The following CUBN variants were observed in gnomAD, a reference collection of about 807,000 sequenced individuals.
The protein encoded by CUBN is cubilin.
A neutral mutation model predicts 405.3 loss-of-function variants in CUBN; 282 were observed. The observed-to-expected ratio is 0.70, with a 90% confidence interval of 0.63 to 0.77. The LOEUF is 0.77. CUBN is among the 30% of genes least tolerant of loss of function. The pLI is 0.00. For missense variants in CUBN, 4,514 were observed against 4,475.2 expected (o/e 1.01, Z -0.25); for synonymous variants, 1,684 against 1,617.0 (o/e 1.04, Z -0.99).
At chr10:16,852,763 C>T (rs1839756397) in intron 59 of CUBN, among the ~76,000 whole-genome samples, 1 of 152,134 alleles carries the variant, frequency 6.6e-6, no homozygotes, top group South Asian at 2.1e-4. Context: ...CTTTTATGTT[C>T]CGCTTTCATG....
intron 43 of CUBN, among the ~76,000 whole-genome samples, chr10:16,921,531 G>T (rs1842033724): frequency 2.0e-5 from 3 of 152,150 alleles, no homozygotes; most frequent in Admixed American, 6.6e-5. Flanking sequence ...TATGCCCAAA[G>T]AACTTTTTAA....
At chr10:17,024,949 A>C (rs896002508) in intron 27 of CUBN, among the ~76,000 whole-genome samples, 2 of 152,154 alleles carry the variant, frequency 1.3e-5, no homozygotes, top group Non-Finnish European at 2.9e-5. Context: ...TTTTTATAGG[A>C]GATCAATTTT....
intron 28 of CUBN, 46 bp from the exon 29 acceptor site, chr10:16,990,561 C>T (rs528751354): frequency 2.1e-5 from 33 of 1,559,908 alleles, no homozygotes; most frequent in Middle Eastern, 2.1e-4. Flanking sequence ...GGCAACAGCA[C>T]ATGGAAAATA....
intron 17 of CUBN, 39 bp from the exon 18 acceptor site, chr10:17,072,010 A>C: frequency 1.3e-6 from 2 of 1,559,338 alleles, no homozygotes; most frequent in Non-Finnish European, 1.8e-6. Context: ...ATTCAAATAA[A>C]GAAACTTACG....
intron 28 of CUBN, among the ~76,000 whole-genome samples, chr10:16,991,673 C>A (rs544943795): frequency 6.5e-5 from 8 of 122,336 alleles, no homozygotes; most frequent in Admixed American, 1.8e-4. Flanking sequence ...TTGGTAAATT[C>A]TTCCAATTAC....
intron 59 of CUBN, among the ~76,000 whole-genome samples, chr10:16,866,334 G>A (rs1588601861): frequency 6.6e-6 from 1 of 152,308 alleles, no homozygotes; most frequent in East Asian, 1.9e-4. Flanking sequence ...ACCCCCTCAG[G>A]AAGAACTGGA....
intron 27 of CUBN, among the ~76,000 whole-genome samples, chr10:17,025,533 G>T (rs540497511): frequency 6.6e-6 from 1 of 152,160 alleles, no homozygotes; most frequent in East Asian, 1.9e-4. Flanking sequence ...CCACGTAAAA[G>T]GTTTGCTATG....
intron 54 of CUBN, among the ~76,000 whole-genome samples, chr10:16,894,846 T>C (rs1018817741): frequency 1.3e-5 from 2 of 152,168 alleles, no homozygotes; most frequent in Admixed American, 6.5e-5. Flanking sequence ...GTCTCTTTCA[T>C]TTAGGTTTAT....
At chr10:17,087,260 G>A (rs746625217) in intron 15 of CUBN, among the ~76,000 whole-genome samples, 1 of 152,068 alleles carries the variant, frequency 6.6e-6, no homozygotes, top group Non-Finnish European at 1.5e-5. Context: ...CCATTATCTT[G>A]TCAGTCTACA....
intron 60 of CUBN, among the ~76,000 whole-genome samples, 179 bp downstream of exon 60, chr10:16,851,056 G>A (rs1839669695): frequency 6.6e-6 from 1 of 152,158 alleles, no homozygotes; most frequent in Non-Finnish European, 1.5e-5. Flanking sequence ...AGATTAATTT[G>A]ATATGAAGAT....
intron 56 of CUBN, among the ~76,000 whole-genome samples, chr10:16,878,159 G>A (rs146539793): frequency 0.04 from 6,100 of 152,160 alleles, 135 homozygotes; most frequent in African/African-American, 0.058. Flanking sequence ...GTGGTGGTGC[G>A]CGCCTGTAGT....
intron 13 of CUBN, among the ~76,000 whole-genome samples, chr10:17,101,175 A>G (rs1317760202): frequency 6.6e-6 from 1 of 152,218 alleles, no homozygotes; most frequent in African/African-American, 2.4e-5. Flanking sequence ...AGTTTAAATG[A>G]AACTCAAATG....
intron 27 of CUBN, among the ~76,000 whole-genome samples, chr10:17,035,957 A>G (rs1330148707): frequency 6.6e-6 from 1 of 152,012 alleles, no homozygotes; most frequent in Non-Finnish European, 1.5e-5. Context: ...TACATAATAA[A>G]TAAGTTCAGG....
intron 28 of CUBN, among the ~76,000 whole-genome samples, chr10:17,015,910 G>C (rs1252999653): frequency 6.6e-6 from 1 of 152,114 alleles, no homozygotes; most frequent in Non-Finnish European, 1.5e-5. Flanking sequence ...TTTGTCTGAG[G>C]ACCATGACTA....
At chr10:16,985,524 C>T (rs1588551696) in intron 29 of CUBN, among the ~76,000 whole-genome samples, 1 of 152,182 alleles carries the variant, frequency 6.6e-6, no homozygotes, top group Non-Finnish European at 1.5e-5. Flanking sequence ...GACAGGAAGT[C>T]GGGTACCAAG....
intron 12 of CUBN, 146 bp downstream of exon 12, chr10:17,104,273 C>A: frequency 1.5e-6 from 1 of 676,366 alleles, no homozygotes; most frequent in Non-Finnish European, 2.6e-6. Flanking sequence ...GAATTTTATA[C>A]CATTTCTGCA....
chr10:17,012,471 C>T (rs1243648968), intron 28 of CUBN, among the ~76,000 whole-genome samples: 1 of 152,210 alleles, frequency 6.6e-6, no homozygotes, highest in African/African-American at 2.4e-5. Context: ...TGGAGAGTCA[C>T]TGCTGCCGAA....
At chr10:16,913,727 A>T in intron 48 of CUBN, 84 bp downstream of exon 48, 5 of 1,522,962 alleles carry the variant, frequency 3.3e-6, no homozygotes. Context: ...AATTTTCCTG[A>T]CCTAGTTTTC....
At chr10:16,902,852 G>C (rs1458447814) in intron 51 of CUBN, among the ~76,000 whole-genome samples, 1 of 152,098 alleles carries the variant, frequency 6.6e-6, no homozygotes, top group African/African-American at 2.4e-5. Context: ...CTGGGTAGGA[G>C]GAGAAGATAG....
Sources: gnomAD v4.1 joint callset for allele counts (sites outside exome capture counted in the v4.1 genomes callset) on GRCh38, gnomAD v4.1.1 for gene constraint, MANE v1.5 for transcripts, NCBI Gene and HGNC (gene_info 2026-07-23, HGNC 2026-07-21) for gene names.